ADGRL3: variants seen among roughly 807,000 people sequenced by gnomAD.
ADGRL3 encodes the protein calcium-independent alpha-latrotoxin receptor 3.
Under a neutral mutation model 153.5 loss-of-function variants are expected in ADGRL3, and 62 were observed. That is an observed-to-expected ratio of 0.40 (90% CI 0.33 to 0.50). ADGRL3 has a LOEUF of 0.50. ADGRL3 is among the 20% of genes least tolerant of loss of function. The probability of loss-of-function intolerance (pLI) is 0.47; values close to 1 mark genes in which losing one functional copy is unlikely to be tolerated. For synonymous variants in ADGRL3, 710 were observed against 672.5 expected, an observed-to-expected ratio of 1.06 and a Z score of -0.86; for missense variants, 1,641 against 1,859.4, an observed-to-expected ratio of 0.88 and a Z score of 2.16.
intron 2 of ADGRL3, among the ~76,000 whole-genome samples, chr4:61,422,963 G>A (rs1297258694): frequency 2.0e-5 from 3 of 152,022 alleles, no homozygotes; most frequent in Non-Finnish European, 2.9e-5. Context: ...CCAAAGAAAG[G>A]TGAAAATTCC....
intron 1 of ADGRL3, among the ~76,000 whole-genome samples, chr4:61,312,876 A>T (rs185848935): frequency 6.6e-6 from 1 of 152,168 alleles, no homozygotes; most frequent in African/African-American, 2.4e-5. Context: ...CTTGATATTT[A>T]CCCAAATGAA....
intron 17 of ADGRL3, among the ~76,000 whole-genome samples, chr4:61,977,607 T>C (rs892473124): frequency 2.0e-5 from 3 of 151,960 alleles, no homozygotes; most frequent in Non-Finnish European, 2.9e-5. Flanking sequence ...CTAGTGGAGG[T>C]CTTCATCAAA....
At chr4:61,886,419 G>A (rs1378316247) in intron 9 of ADGRL3, among the ~76,000 whole-genome samples, 5 of 152,042 alleles carry the variant, frequency 3.3e-5, no homozygotes, top group African/African-American at 7.3e-5. Flanking sequence ...CTTAAAGGGT[G>A]GGGAGAAGGA....
At chr4:61,246,168 A>AT (rs1411558520) in intron 1 of ADGRL3, among the ~76,000 whole-genome samples, 1 of 151,890 alleles carries the variant, frequency 6.6e-6, no homozygotes, top group Non-Finnish European at 1.5e-5. Flanking sequence ...GCAACAGCTG[A>AT]TTTTTGTTAT....
At chr4:61,523,863 A>C (rs2098544889) in intron 4 of ADGRL3, among the ~76,000 whole-genome samples, 1 of 152,086 alleles carries the variant, frequency 6.6e-6, no homozygotes, top group Non-Finnish European at 1.5e-5. Flanking sequence ...TTTTCAAAAT[A>C]CTTACAGAAA....
chr4:61,612,451 T>C (rs1048932209), intron 5 of ADGRL3, among the ~76,000 whole-genome samples: 5 of 152,168 alleles, frequency 3.3e-5, no homozygotes, highest in Non-Finnish European at 7.4e-5. Flanking sequence ...CCTGAAAATA[T>C]ACACCTTTTA....
At chr4:61,371,928 T>C (rs1272227190) in intron 1 of ADGRL3, among the ~76,000 whole-genome samples, 1 of 152,178 alleles carries the variant, frequency 6.6e-6, no homozygotes, top group Non-Finnish European at 1.5e-5. Context: ...CTTTGCTCTT[T>C]TCTTTTTATT....
chr4:61,390,776 A>G (rs1422095004), intron 2 of ADGRL3, among the ~76,000 whole-genome samples: 1 of 152,190 alleles, frequency 6.6e-6, no homozygotes, highest in African/African-American at 2.4e-5. Flanking sequence ...TTAGGATACA[A>G]AACAGTTTTA....
intron 21 of ADGRL3, among the ~76,000 whole-genome samples, chr4:62,010,105 T>C (rs1024639431): frequency 1.1e-4 from 16 of 152,088 alleles, no homozygotes; most frequent in Admixed American, 6.6e-5. Flanking sequence ...AACCCATTCT[T>C]TGGAAGTTTT....
At chr4:62,044,669 A>G in intron 25 of ADGRL3, 120 bp downstream of exon 25, 1 of 623,396 alleles carries the variant, frequency 1.6e-6, no homozygotes, top group Non-Finnish European at 2.7e-6. Context: ...TTGTAAGAAC[A>G]TAAAACTTGG....
rs371055744 is a variant in ADGRL3, at chr4:61,660,422, C to T, written c.474-16404C>T. ...AAGCATATATGTAATTTTAATCATA[C>T]TTTCTCTGGCTATACCCACATGTAT... On this transcript the variant is annotated intron_variant, in intron 5 of 26. Coordinates refer to ENST00000683033, the MANE Select transcript of ADGRL3 (RefSeq NM_001387552.1). Among the ~76,000 whole-genome samples the T allele has an allele frequency of 8.6e-4, 131 of 152,186 alleles. 2 individuals carry two copies. Among genetic ancestry groups the T allele is most frequent in the African/African-American group, 3.1e-3 (128 of 41,544 alleles).
intron 1 of ADGRL3, among the ~76,000 whole-genome samples, chr4:61,291,340 A>G (rs1014852742): frequency 2.6e-5 from 4 of 152,052 alleles, no homozygotes; most frequent in South Asian, 2.1e-4. Context: ...TAATACAAAT[A>G]TAAAACAATA....
At chr4:61,789,543 C>G (rs1561254192) in intron 8 of ADGRL3, among the ~76,000 whole-genome samples, 1 of 152,034 alleles carries the variant, frequency 6.6e-6, no homozygotes, top group Non-Finnish European at 1.5e-5. Flanking sequence ...AATAAAGTTC[C>G]ATTTGCTTCA....
At chr4:61,708,769 G>A (rs940819834) in intron 6 of ADGRL3, among the ~76,000 whole-genome samples, 1 of 151,924 alleles carries the variant, frequency 6.6e-6, no homozygotes, top group Non-Finnish European at 1.5e-5. Flanking sequence ...AAGGTCTCCT[G>A]TTCCATTCTT....
intron 2 of ADGRL3, among the ~76,000 whole-genome samples, chr4:61,466,132 A>G (rs927163055): frequency 2.0e-4 from 30 of 152,026 alleles, no homozygotes; most frequent in African/African-American, 7.3e-4. Flanking sequence ...AAAATAATAA[A>G]TAAATAAAAT....
At chr4:61,918,156 T>A (rs191313848) in intron 13 of ADGRL3, among the ~76,000 whole-genome samples, 97 of 152,216 alleles carry the variant, frequency 6.4e-4, no homozygotes, top group African/African-American at 2.2e-3. Context: ...TTTAAAAAAA[T>A]GAAATAAGAT....
intron 8 of ADGRL3, among the ~76,000 whole-genome samples, chr4:61,762,243 C>T (rs1333304393): frequency 2.0e-5 from 3 of 152,076 alleles, no homozygotes; most frequent in African/African-American, 7.2e-5. Context: ...CTAGGAATTT[C>T]ATAAAATTTT....
chr4:62,059,611 G>A (rs1197841455), intron 25 of ADGRL3, among the ~76,000 whole-genome samples: 1 of 152,036 alleles, frequency 6.6e-6, no homozygotes, highest in African/African-American at 2.4e-5. Context: ...TATGGTTTCA[G>A]TGTAACCAGC....
intron 1 of ADGRL3, among the ~76,000 whole-genome samples, chr4:61,317,446 G>C (rs958761064): frequency 6.6e-6 from 1 of 152,174 alleles, no homozygotes; most frequent in Non-Finnish European, 1.5e-5. Context: ...AGAGTGGTTA[G>C]AGTACATTCA....
Sources: gnomAD v4.1 joint callset for allele counts (sites outside exome capture counted in the v4.1 genomes callset) on GRCh38, gnomAD v4.1.1 for gene constraint, MANE v1.5 for transcripts, NCBI Gene and HGNC (gene_info 2026-07-23, HGNC 2026-07-21) for gene names.